SYTL5: variants seen among roughly 807,000 people sequenced by gnomAD.
SYTL5 encodes synaptotagmin like 5.
A neutral mutation model predicts 55.9 loss-of-function variants in SYTL5; 34 were observed. The ratio of observed to expected loss-of-function variants is 0.61; its 90% CI spans 0.46 to 0.81. The LOEUF (loss-of-function observed/expected upper bound fraction) is 0.81. Among genes scored for constraint, SYTL5 ranks in the 30% least tolerant of loss-of-function variants. The probability of loss-of-function intolerance (pLI) is 0.00; values close to 1 mark genes in which losing one functional copy is unlikely to be tolerated. For synonymous variants in SYTL5, 221 were observed against 188.7 expected, an observed-to-expected ratio of 1.17 and a Z score of -1.40; for missense variants, 637 against 546.7, an observed-to-expected ratio of 1.17 and a Z score of -1.65.
At chrX:38,006,920 A>G (rs770923085) in intron 1 of SYTL5, among the ~76,000 whole-genome samples, 1 of 111,521 alleles carries the variant, frequency 9.0e-6, no homozygotes, top group Admixed American at 9.5e-5. Context: ...ACTTGATTCT[A>G]TCTATGAAGT....
At chrX:37,898,247 T>C in the SYTL5 span, among the ~76,000 whole-genome samples, 1,211 of 111,971 alleles carry the variant, frequency 0.011, 10 homozygotes, top group Non-Finnish European at 0.017. Flanking sequence ...TCCACCCTCA[T>C]AGCCTAATCA....
chrX:37,995,030 A>G, the SYTL5 span, among the ~76,000 whole-genome samples: 2 of 110,361 alleles, frequency 1.8e-5, no homozygotes, highest in African/African-American at 6.6e-5. Context: ...GAGTGTTTGA[A>G]TCAGTGATTT....
At chrX:37,962,328 T>G in the SYTL5 span, among the ~76,000 whole-genome samples, 1 of 102,080 alleles carries the variant, frequency 9.8e-6, no homozygotes, top group Admixed American at 1.0e-4. Flanking sequence ...GCAGTGTTTG[T>G]TTTTTTTGTC....
intron 3 of SYTL5, among the ~76,000 whole-genome samples, chrX:38,065,676 T>C (rs1936078273): frequency 8.9e-6 from 1 of 112,276 alleles, no homozygotes; most frequent in Non-Finnish European, 1.9e-5. Context: ...TCACTTTTCC[T>C]GCTTGGAAAG....
intron 2 of SYTL5, among the ~76,000 whole-genome samples, chrX:38,034,699 G>A (rs1935052999): frequency 8.9e-6 from 1 of 112,291 alleles, no homozygotes; most frequent in Admixed American, 9.4e-5. Context: ...TCCCCGGCAT[G>A]ACTTCACCTA....
At chrX:37,951,040 C>T in the SYTL5 span, among the ~76,000 whole-genome samples, 3 of 84,907 alleles carry the variant, frequency 3.5e-5, no homozygotes, top group Non-Finnish European at 4.6e-5. Flanking sequence ...GAAAGACTTA[C>T]GAGGAATAAA....
intron 2 of SYTL5, 71 bp from the exon 3 acceptor site, chrX:38,054,130 ATTTTAGACATTG>A (rs1299296714): frequency 2.1e-5 from 15 of 713,233 alleles, no homozygotes; most frequent in Middle Eastern, 6.4e-4. Context: ...TATTCTATCT[ATTTTAGACATTG>A]TTTTAGACAT....
intron 1 of SYTL5, among the ~76,000 whole-genome samples, chrX:38,021,531 T>C (rs1934551014): frequency 8.9e-6 from 1 of 111,893 alleles, no homozygotes. Flanking sequence ...TGCATGTTGG[T>C]TAAAATCAGC....
intron 9 of SYTL5, among the ~76,000 whole-genome samples, chrX:38,096,530 C>T (rs898068569): frequency 9.0e-6 from 1 of 111,170 alleles, no homozygotes; most frequent in Non-Finnish European, 1.9e-5. Flanking sequence ...GAGATCCTAA[C>T]ATTTTCCTTA....
intron 2 of SYTL5, among the ~76,000 whole-genome samples, chrX:38,037,719 A>G (rs189601868): frequency 2.3e-4 from 26 of 111,365 alleles, no homozygotes; most frequent in African/African-American, 8.5e-4. Flanking sequence ...TACAACCTAA[A>G]TCAGTTCAGG....
At chrX:38,064,665 C>T (rs1296921835) in intron 3 of SYTL5, among the ~76,000 whole-genome samples, 1 of 111,293 alleles carries the variant, frequency 9.0e-6, no homozygotes, top group African/African-American at 3.3e-5. Context: ...TAGCTGCATA[C>T]ATGTTTTTCC....
At chrX:37,938,985 C>T in the SYTL5 span, among the ~76,000 whole-genome samples, 15 of 111,193 alleles carry the variant, frequency 1.3e-4, no homozygotes, top group African/African-American at 3.6e-4. Flanking sequence ...TGGTCAGGCG[C>T]GGTGGCTCAC....
chrX:37,919,220 C>G, the SYTL5 span, among the ~76,000 whole-genome samples: 180 of 111,299 alleles, frequency 1.6e-3, no homozygotes, highest in Non-Finnish European at 2.8e-3. Context: ...TCTAGAAAAG[C>G]AGTTTCATTC....
the SYTL5 span, among the ~76,000 whole-genome samples, chrX:37,954,591 AAT>A: frequency 8.9e-6 from 1 of 112,312 alleles, no homozygotes; most frequent in Non-Finnish European, 1.9e-5. Flanking sequence ...TAACATTTCT[AAT>A]TGACCTTTGC....
At chrX:37,911,895 A>AT in the SYTL5 span, among the ~76,000 whole-genome samples, 1 of 112,074 alleles carries the variant, frequency 8.9e-6, no homozygotes, top group Non-Finnish European at 1.9e-5. Context: ...GTTATTTTAA[A>AT]TTGTTCTTAA....
the SYTL5 span, chrX:37,949,284 A>G: frequency 8.9e-6 from 1 of 111,787 alleles, no homozygotes; most frequent in South Asian, 3.8e-4. Flanking sequence ...GAGCATCTTG[A>G]AACCATGAAG....
chrX:38,081,066 G>C (rs145109824), intron 6 of SYTL5, among the ~76,000 whole-genome samples: 1 of 112,153 alleles, frequency 8.9e-6, no homozygotes. Context: ...ATGATCGTTC[G>C]GTGACTCAAC....
the SYTL5 span, among the ~76,000 whole-genome samples, chrX:38,000,204 C>T: frequency 8.9e-6 from 1 of 111,991 alleles, no homozygotes; most frequent in Non-Finnish European, 1.9e-5. Flanking sequence ...AGGTCTTGTT[C>T]CACTGGACGT....
At chrX:38,037,040 T>G (rs1935128391) in intron 2 of SYTL5, among the ~76,000 whole-genome samples, 1 of 111,766 alleles carries the variant, frequency 8.9e-6, no homozygotes, top group Admixed American at 9.5e-5. Flanking sequence ...CTCCTAGTTT[T>G]CATGCACTTT....
Sources: gnomAD v4.1 joint callset for allele counts (sites outside exome capture counted in the v4.1 genomes callset) on GRCh38, gnomAD v4.1.1 for gene constraint, MANE v1.5 for transcripts, NCBI Gene and HGNC (gene_info 2026-07-23, HGNC 2026-07-21) for gene names.